The following PDE4D variants were observed in gnomAD, a reference collection of about 807,000 sequenced individuals.
PDE4D encodes 3',5'-cyclic-AMP phosphodiesterase 4D.
PDE4D carries 24 observed loss-of-function variants against 87.4 expected under a neutral mutation model. The observed-to-expected ratio is 0.27, with a 90% CI of 0.20 to 0.39. The LOEUF is 0.39. PDE4D is among the 10% of genes least tolerant of loss of function. The probability of loss-of-function intolerance (pLI) is 1.00; values close to 1 mark genes in which losing one functional copy is unlikely to be tolerated. For missense variants in PDE4D, 714 were observed against 1,041.0 expected, an observed-to-expected ratio of 0.69 and a Z score of 4.32; for synonymous variants, 384 against 383.2, an observed-to-expected ratio of 1.00 and a Z score of -0.02.
At chr5:60,379,685 A>G (rs1761709485) in intron 1 of PDE4D, among the ~76,000 whole-genome samples, 1 of 152,170 alleles carries the variant, frequency 6.6e-6, no homozygotes, top group African/African-American at 2.4e-5. Flanking sequence ...CTTTTAGTAA[A>G]CAAAACCCCA....
chr5:59,375,864 G>A (rs1289436645), intron 1 of PDE4D, among the ~76,000 whole-genome samples: 7 of 152,174 alleles, frequency 4.6e-5, no homozygotes, highest in African/African-American at 1.7e-4. Context: ...TCATCCTTGA[G>A]ATGCAAGGTT....
At chr5:60,292,959 G>A (rs1418562969) in intron 1 of PDE4D, among the ~76,000 whole-genome samples, 1 of 151,920 alleles carries the variant, frequency 6.6e-6, no homozygotes, top group Non-Finnish European at 1.5e-5. Flanking sequence ...CATGTATATT[G>A]GAGAACTCTA....
chr5:59,794,910 C>T (rs954051104), intron 1 of PDE4D, among the ~76,000 whole-genome samples: 3 of 152,160 alleles, frequency 2.0e-5, no homozygotes, highest in African/African-American at 7.2e-5. Context: ...GCCTGGGACA[C>T]AGCTCATCAC....
At chr5:60,249,849 G>A (rs1305236044) in intron 1 of PDE4D, among the ~76,000 whole-genome samples, 3 of 151,858 alleles carry the variant, frequency 2.0e-5, no homozygotes, top group Non-Finnish European at 2.9e-5. Context: ...TATTAAGCTA[G>A]GTATGAAATG....
intron 1 of PDE4D, among the ~76,000 whole-genome samples, chr5:59,384,946 C>G (rs1786676921): frequency 6.6e-6 from 1 of 151,986 alleles, no homozygotes; most frequent in Non-Finnish European, 1.5e-5. Flanking sequence ...ATCTTATTTA[C>G]TATGTATGTA....
At chr5:59,296,763 G>T (rs979180906) in intron 1 of PDE4D, among the ~76,000 whole-genome samples, 2 of 134,244 alleles carry the variant, frequency 1.5e-5, no homozygotes, top group Non-Finnish European at 3.1e-5. Context: ...GGTACAGTTA[G>T]AAATTAGTAA....
chr5:60,116,909 T>G (rs565407276), intron 2 of PDE4D, among the ~76,000 whole-genome samples: 1 of 152,178 alleles, frequency 6.6e-6, no homozygotes, highest in South Asian at 2.1e-4. Flanking sequence ...AACAACCCAT[T>G]CAAAAGATCT....
chr5:59,792,621 AGAATAAGT>A (rs1412476746), intron 1 of PDE4D, among the ~76,000 whole-genome samples: 1 of 152,200 alleles, frequency 6.6e-6, no homozygotes, highest in Non-Finnish European at 1.5e-5. Context: ...AAGCATGCTG[AGAATAAGT>A]GAATATGCAA....
intron 5 of PDE4D, among the ~76,000 whole-genome samples, chr5:59,122,604 T>C (rs1193356204): frequency 6.6e-6 from 1 of 152,242 alleles, no homozygotes; most frequent in South Asian, 2.1e-4. Context: ...TCCATCATTA[T>C]ACATATTGTG....
intron 2 of PDE4D, among the ~76,000 whole-genome samples, chr5:60,109,879 G>C (rs918529009): frequency 1.3e-5 from 2 of 151,218 alleles, no homozygotes; most frequent in South Asian, 2.1e-4. Context: ...GGGGACGGGG[G>C]AGGGATAGCA....
intron 1 of PDE4D, among the ~76,000 whole-genome samples, chr5:59,711,092 T>C (rs1321526816): frequency 1.3e-5 from 2 of 152,186 alleles, no homozygotes; most frequent in Non-Finnish European, 2.9e-5. Context: ...GAGGAAAAGA[T>C]ACAAATTCCA....
intron 1 of PDE4D, among the ~76,000 whole-genome samples, chr5:59,656,853 C>A (rs774307156): frequency 4.9e-4 from 75 of 152,140 alleles, no homozygotes; most frequent in Non-Finnish European, 9.8e-4. Flanking sequence ...AATTATTATT[C>A]ATAACAGTAT....
chr5:60,409,021 A>G (rs1025588203), intron 1 of PDE4D, among the ~76,000 whole-genome samples: 1 of 152,202 alleles, frequency 6.6e-6, no homozygotes, highest in African/African-American at 2.4e-5. Flanking sequence ...TGGGGAATAA[A>G]GCGGACACAG....
At chr5:59,807,059 G>C (rs919909280) in intron 1 of PDE4D, among the ~76,000 whole-genome samples, 3 of 152,150 alleles carry the variant, frequency 2.0e-5, no homozygotes, top group Non-Finnish European at 2.9e-5. Context: ...CCCTGGGAGT[G>C]ATAATGACCT....
chr5:59,122,187 G>C (rs1056923526), intron 5 of PDE4D, among the ~76,000 whole-genome samples: 7 of 131,514 alleles, frequency 5.3e-5, no homozygotes, highest in Admixed American at 3.0e-4. Flanking sequence ...AAGGAAGAAA[G>C]AAAGAAAACA....
chr5:59,636,394 A>G (rs1032275368), intron 1 of PDE4D, among the ~76,000 whole-genome samples: 1 of 152,204 alleles, frequency 6.6e-6, no homozygotes, highest in African/African-American at 2.4e-5. Flanking sequence ...TAAATTTCAT[A>G]TGGAACCAAA....
intron 1 of PDE4D, among the ~76,000 whole-genome samples, chr5:60,382,592 A>G (rs1399626312): frequency 6.6e-6 from 1 of 152,090 alleles, no homozygotes; most frequent in East Asian, 1.9e-4. Flanking sequence ...AACTCCTTTA[A>G]ATAATGTTGC....
At chr5:60,176,678 A>T (rs1488519020) in intron 2 of PDE4D, among the ~76,000 whole-genome samples, 2 of 152,188 alleles carry the variant, frequency 1.3e-5, no homozygotes. Context: ...AGTGTGAGAC[A>T]CGAAATGTTA....
chr5:59,216,007 T>TG, intron 1 of PDE4D, 39 bp from the exon 2 acceptor site: 2 of 1,427,466 alleles, frequency 1.4e-6, no homozygotes, highest in Non-Finnish European at 1.9e-6. Context: ...GCTGTGAACA[T>TG]TCACATGTTC....
Sources: allele counts gnomAD v4.1 joint callset (sites outside exome capture counted in the v4.1 genomes callset), GRCh38; gene constraint gnomAD v4.1.1; transcripts MANE v1.5; gene names NCBI Gene and HGNC (gene_info 2026-07-23, HGNC 2026-07-21).